The following MECOM variants were observed in gnomAD, a reference collection of about 807,000 sequenced individuals.
The protein encoded by MECOM is MDS1 and EVI1 complex locus.
A neutral mutation model predicts 116.3 loss-of-function variants in MECOM; 13 were observed. The ratio of observed to expected loss-of-function variants is 0.11; its 90% CI spans 0.07 to 0.18. The LOEUF (loss-of-function observed/expected upper bound fraction) is 0.18, where lower values mean the gene tolerates loss of function less well. MECOM is among the 10% of genes least tolerant of loss of function. The pLI, the probability that MECOM is intolerant of heterozygous loss-of-function variation, is 1.00. For missense variants in MECOM, 1,299 were observed against 1,509.0 expected, an observed-to-expected ratio of 0.86 and a Z score of 2.31; for synonymous variants, 528 against 535.2, an observed-to-expected ratio of 0.99 and a Z score of 0.19.
chr3:169,472,873 C>T (rs1749780553), intron 1 of MECOM: 1 of 584,004 alleles, frequency 1.7e-6, no homozygotes, highest in Admixed American at 6.3e-5. Context: ...GTCTTAATGA[C>T]TGCTTACTAT....
At chr3:169,324,572 C>G (rs1224375810) in intron 2 of MECOM, among the ~76,000 whole-genome samples, 2 of 152,216 alleles carry the variant, frequency 1.3e-5, no homozygotes, top group African/African-American at 4.8e-5. Context: ...AACAAACTGA[C>G]CTTCTGAGAA....
intron 1 of MECOM, among the ~76,000 whole-genome samples, chr3:169,450,698 C>A (rs529753001): frequency 6.6e-6 from 1 of 152,196 alleles, no homozygotes; most frequent in Admixed American, 6.6e-5. Flanking sequence ...TGAAAACACA[C>A]AGATCCTGAC....
At chr3:169,616,854 G>C (rs1361840199) in intron 1 of MECOM, among the ~76,000 whole-genome samples, 2 of 152,186 alleles carry the variant, frequency 1.3e-5, no homozygotes, top group Non-Finnish European at 2.9e-5. Flanking sequence ...GATGAAGTAG[G>C]TTTGTTGAAC....
rs535681135 is a variant in MECOM, at chr3:169,248,402, T to C, written c.376-104570A>G. On this transcript the variant is annotated intron_variant, in intron 2 of 16. Coordinates refer to ENST00000651503, the MANE Select transcript of MECOM (RefSeq NM_004991.4). ...TTAATCATCAAATAAAATGGAAAACTGCTAAATCTACCTCTTAGTTTGTAT... is the reference window on the plus strand; with the variant it reads ...TTAATCATCAAATAAAATGGAAAACCGCTAAATCTACCTCTTAGTTTGTAT... Among the ~76,000 whole-genome samples, 5 of 152,374 alleles carry C rather than the reference T, an allele frequency of 3.3e-5. No individual in the cohort carries two copies. In the East Asian group the frequency reaches 9.6e-4, roughly 29 times the overall value.
intron 1 of MECOM, among the ~76,000 whole-genome samples, chr3:169,574,726 G>A (rs1764282879): frequency 6.6e-6 from 1 of 152,136 alleles, no homozygotes; most frequent in African/African-American, 2.4e-5. Flanking sequence ...TCAGACTGAA[G>A]GTTGGAGTTG....
intron 2 of MECOM, among the ~76,000 whole-genome samples, chr3:169,331,361 C>T (rs752565630): frequency 6.6e-6 from 1 of 152,066 alleles, no homozygotes; most frequent in South Asian, 2.1e-4. Flanking sequence ...GGGAACCATA[C>T]CTACCTAATA....
At chr3:169,273,264 A>G (rs991276607) in intron 2 of MECOM, among the ~76,000 whole-genome samples, 1 of 152,224 alleles carries the variant, frequency 6.6e-6, no homozygotes, top group South Asian at 2.1e-4. Context: ...GATTTTGTAT[A>G]TCCACCACCA....
chr3:169,336,996 T>G (rs1269323059), intron 2 of MECOM, among the ~76,000 whole-genome samples: 2 of 152,140 alleles, frequency 1.3e-5, no homozygotes, highest in Non-Finnish European at 2.9e-5. Context: ...AATAACTATT[T>G]TTTAAAAAGA....
intron 6 of MECOM, 95 bp downstream of exon 6, chr3:169,122,485 C>T: frequency 5.6e-6 from 8 of 1,421,282 alleles, no homozygotes; most frequent in South Asian, 5.2e-5. Flanking sequence ...ATAGTTTCCC[C>T]TCTGAAGGCT....
intron 1 of MECOM, among the ~76,000 whole-genome samples, chr3:169,445,979 C>T (rs1383125616): frequency 6.6e-6 from 1 of 152,166 alleles, no homozygotes; most frequent in Non-Finnish European, 1.5e-5. Flanking sequence ...TACCTAATAC[C>T]TGTACCCCCA....
At chr3:169,648,415 G>T (rs1774447341) in intron 1 of MECOM, among the ~76,000 whole-genome samples, 1 of 152,036 alleles carries the variant, frequency 6.6e-6, no homozygotes, top group South Asian at 2.1e-4. Flanking sequence ...GTATTTTTAG[G>T]TCAAAAAAAT....
chr3:169,507,672 T>TTTTTTTTTTTTTTTTTTC (rs1755423292), intron 1 of MECOM, among the ~76,000 whole-genome samples: 1 of 123,424 alleles, frequency 8.1e-6, no homozygotes, highest in African/African-American at 3.2e-5. Flanking sequence ...TTTTTTTTTT[T>TTTTTTTTTTTTTTTTTTC]TTTTTTTGAG....
intron 1 of MECOM, among the ~76,000 whole-genome samples, chr3:169,507,329 G>A (rs1755364110): frequency 6.6e-6 from 1 of 152,226 alleles, no homozygotes; most frequent in Non-Finnish European, 1.5e-5. Flanking sequence ...TTAACCAATT[G>A]TTAGCTTAAT....
chr3:169,330,888 A>G (rs1722610730), intron 2 of MECOM, among the ~76,000 whole-genome samples: 1 of 152,046 alleles, frequency 6.6e-6, no homozygotes, highest in Admixed American at 6.6e-5. Flanking sequence ...ATATAAATAC[A>G]TATTTGTCTA....
chr3:169,144,210 T>C (rs148239307), intron 2 of MECOM, among the ~76,000 whole-genome samples: 4 of 151,766 alleles, frequency 2.6e-5, no homozygotes, highest in Non-Finnish European at 5.9e-5. Flanking sequence ...TATAGTCTCA[T>C]GTAAGCATAT....
intron 14 of MECOM, among the ~76,000 whole-genome samples, 197 bp downstream of exon 14, chr3:169,092,761 G>C (rs111654291): frequency 1.2e-4 from 18 of 152,074 alleles, no homozygotes; most frequent in African/African-American, 3.6e-4. Context: ...ATCTCATAGG[G>C]TTATGATGAA....
chr3:169,227,155 C>T (rs1203276141), intron 2 of MECOM, among the ~76,000 whole-genome samples: 1 of 152,060 alleles, frequency 6.6e-6, no homozygotes, highest in Non-Finnish European at 1.5e-5. Flanking sequence ...CCAGATTGTA[C>T]ACAGTACTAA....
chr3:169,141,724 C>T (rs1738171756), intron 3 of MECOM, among the ~76,000 whole-genome samples: 1 of 151,866 alleles, frequency 6.6e-6, no homozygotes, highest in South Asian at 2.1e-4. Context: ...TGATTGTATA[C>T]ATCTACACGT....
chr3:169,475,577 C>A (rs9827967), intron 1 of MECOM, among the ~76,000 whole-genome samples: 1 of 150,824 alleles, frequency 6.6e-6, no homozygotes, highest in Non-Finnish European at 1.5e-5. Context: ...ACTAAAAAGT[C>A]GAAGTTTTTT....
Sources: gnomAD v4.1 joint callset for allele counts (sites outside exome capture counted in the v4.1 genomes callset) on GRCh38, gnomAD v4.1.1 for gene constraint, MANE v1.5 for transcripts, NCBI Gene and HGNC (gene_info 2026-07-23, HGNC 2026-07-21) for gene names.